ZNF8: variants seen among roughly 807,000 people sequenced by gnomAD.
ZNF8 encodes zinc finger protein 272.
ZNF8 carries 9 observed loss-of-function variants against 12.2 expected under a neutral mutation model. That is an observed-to-expected ratio of 0.73 (90% CI 0.44 to 1.28). ZNF8 has a LOEUF of 1.28. ZNF8 is among the 50% of genes most tolerant of loss of function. ZNF8 has a pLI of 0.00. For synonymous variants in ZNF8, 274 were observed against 282.3 expected, an observed-to-expected ratio of 0.97 and a Z score of 0.30; for missense variants, 664 against 729.1, an observed-to-expected ratio of 0.91 and a Z score of 1.03.
At position 58,294,046 on chromosome 19, in the gene ZNF8, C is replaced by G. The variant is rs924967725; in HGVS notation, c.290-52C>G. 6.6e-7 allele frequency: 1 copy of G among 1,521,856 alleles called. No individual in the cohort carries two copies. Among genetic ancestry groups the G allele is most frequent in the Non-Finnish European group, 8.9e-7 (1 of 1,124,774 alleles). 94.3% of individuals were successfully genotyped at this position (1,521,856 alleles called of 1,614,324 possible). Reference sequence around the variant, plus strand: ...GGCCTATGGTGTTGGAGGCCTGTCCCCCTTCCGTTTTTTTCTCCCAACAGC... The same window carrying G: ...GGCCTATGGTGTTGGAGGCCTGTCCGCCTTCCGTTTTTTTCTCCCAACAGC... On this transcript the variant is annotated intron_variant, in intron 3 of 3. Coordinates refer to ENST00000621650, the MANE Select transcript of ZNF8 (RefSeq NM_021089.3). The surrounding 1 kb of genome is among the most constrained non-coding windows in gnomAD (Gnocchi z 5.5).
intron 3 of ZNF8, among the ~76,000 whole-genome samples, chr19:58,290,953 T>C (rs1272066631): frequency 6.6e-6 from 1 of 152,194 alleles, no homozygotes; most frequent in East Asian, 1.9e-4. Flanking sequence ...TTCAGGAGGC[T>C]GAGCCCAGGA....
chr19:58,287,866 T>G lies in ZNF8; in HGVS notation c.289+1661T>G, dbSNP rs1600455611. ...TTCTTTTTTTTTCTTTCTTTCTTCC[T>G]TTTTTTTTTTTTTTTAGAGATGGGG... On this transcript the variant is annotated intron_variant, in intron 3 of 3. Coordinates refer to ENST00000621650, the MANE Select transcript of ZNF8 (RefSeq NM_021089.3). 2.3e-4 allele frequency among the ~76,000 whole-genome samples: 5 copies of G among 21,600 alleles called. No individual in the cohort carries two copies. In the South Asian group the frequency reaches 6.2e-3, roughly 27 times the overall value. 14.2% of individuals were successfully genotyped at this position (21,600 alleles called of 152,430 possible). A position where few individuals can be genotyped will look rare whatever the true frequency, so the allele number is the denominator to read the frequency against.
At position 58,298,216 on chromosome 19, in the gene ZNF8, A is replaced by G. The variant is rs1486895991; in HGVS notation, c.*2680A>G. The G allele has an allele frequency of 6.6e-6, 1 of 151,902 alleles. No individual in the cohort carries two copies. Among genetic ancestry groups the G allele is most frequent in the Non-Finnish European group, 1.5e-5 (1 of 68,046 alleles). The allele number at this position is 151,902 out of a possible 1,614,324, so 9.4% of individuals were successfully genotyped here. ...AGCTACTTTTTTGTATTTTTAGTAG[A>G]GATGGGGTTTCACCATGTTAGACAG... On this transcript the variant is annotated 3_prime_UTR_variant, in exon 4 of 4. Coordinates refer to ENST00000621650, the MANE Select transcript of ZNF8 (RefSeq NM_021089.3).
rs188839301 is a variant in ZNF8, at chr19:58,295,555, G to C, written c.*19G>C. ...CACATAGGAGAGAAACTTTGCTGAT[G>C]ACTTTTAACCACAAGTAAAAAATGT... is the stretch of plus-strand genomic sequence containing the variant. On this transcript the variant is annotated 3_prime_UTR_variant, in exon 4 of 4. Transcript: ENST00000621650. 4 of 1,565,744 alleles carry C rather than the reference G, an allele frequency of 2.6e-6. No homozygotes were observed. The highest frequency in any genetic ancestry group is 3.5e-6 in the Non-Finnish European group (4 of 1,153,694).
chr19:58,287,167 G>A (rs2147956361), intron 3 of ZNF8, among the ~76,000 whole-genome samples: 1 of 152,156 alleles, frequency 6.6e-6, no homozygotes, highest in African/African-American at 2.4e-5. Context: ...ACCCTCCCGA[G>A]TAGCTGGGAT....
In ZNF8 at chr19:58,294,066, A is replaced by C. The variant is rs1446396335; in HGVS notation, c.290-32A>C. Reference sequence around the variant, plus strand: ...TGTCCCCCTTCCGTTTTTTTCTCCCAACAGCTCAGAGATCTTTGGGTTTTC... The same window carrying C: ...TGTCCCCCTTCCGTTTTTTTCTCCCCACAGCTCAGAGATCTTTGGGTTTTC... On this transcript the variant is annotated intron_variant, in intron 3 of 3. Coordinates refer to ENST00000621650, the MANE Select transcript of ZNF8 (RefSeq NM_021089.3). This position sits in a 1 kb window ranked among gnomAD's most constrained non-coding sequence, Gnocchi z 5.5. The C allele has an allele frequency of 1.3e-6, 2 of 1,563,086 alleles. No individual in the cohort carries two copies. Among genetic ancestry groups the C allele is most frequent in the South Asian group, 2.4e-5 (2 of 83,610 alleles).
chr19:58,294,520 T>C lies in ZNF8; in HGVS notation c.712T>C (p.Ser238Pro). Residue 238 changes from serine to proline, a missense_variant, in exon 4 of 4, where the codon TCC becomes CCC. By Grantham distance (74) the Ser-to-Pro change is moderately conservative. Coordinates refer to ENST00000621650, the MANE Select transcript of ZNF8 (RefSeq NM_021089.3). This position sits in a 1 kb window ranked among gnomAD's most constrained non-coding sequence, Gnocchi z 5.5. ...TGAAAACAGTGACTGTCACAGAGAT[T>C]CCAGTCAGGCCATTCCAATTACGGA... is the stretch of plus-strand genomic sequence containing the variant. Reference protein sequence around the residue: ...PGENSDCHRDSSQAIPITELT... With the variant: ...PGENSDCHRDPSQAIPITELT... 6.2e-7 allele frequency: 1 copy of C among 1,614,136 alleles called. No homozygotes were observed. Among genetic ancestry groups the C allele is most frequent in the South Asian group, 1.1e-5 (1 of 91,074 alleles).
At position 58,297,926 on chromosome 19, in the gene ZNF8, A is replaced by G. The variant is rs2147963135; in HGVS notation, c.*2390A>G. The stretch of plus-strand genomic sequence containing the variant: ...AGGTAAAACTGCTGAGCCTGAGTTC[A>G]AAGCAGGGCAGTAGCCCTGAGGTTG... On this transcript the variant is annotated 3_prime_UTR_variant, in exon 4 of 4. Transcript: ENST00000621650. The G allele has an allele frequency of 6.6e-6, 1 of 152,366 alleles. No individual in the cohort carries two copies. Among genetic ancestry groups the G allele is most frequent in the Admixed American group, 6.5e-5 (1 of 15,312 alleles). The allele number at this position is 152,366 out of a possible 1,614,324, so 9.4% of individuals were successfully genotyped here.
chr19:58,294,758 A>G lies in ZNF8; in HGVS notation c.950A>G (p.Glu317Gly). The change falls in exon 4 of 4, where the codon GAA becomes GGA. Residue 317 changes from glutamate to glycine, a missense_variant. Transcript: ENST00000621650. The surrounding 1 kb of genome is among the most constrained non-coding windows in gnomAD (Gnocchi z 5.5). ...GGAGACAAGCCCTACAAGTGTGCCG[A>G]ATGTGGGAAGTCTTTCTGCCATAGT... ...HTGDKPYKCA[E>G]CGKSFCHSTH... 6.2e-7 allele frequency: 1 copy of G among 1,614,106 alleles called. No individual in the cohort carries two copies. Among genetic ancestry groups the G allele is most frequent in the Non-Finnish European group, 8.5e-7 (1 of 1,180,028 alleles).
intron 3 of ZNF8, among the ~76,000 whole-genome samples, chr19:58,287,337 C>CTTT (rs35511685): frequency 0.53 from 62,138 of 117,404 alleles, 17,466 homozygotes; most frequent in Non-Finnish European, 0.6. Context: ...CCATGCCCAG[C>CTTT]TTTTTTTTTT....
intron 3 of ZNF8, among the ~76,000 whole-genome samples, chr19:58,289,284 C>T (rs1404845261): frequency 1.3e-5 from 2 of 152,080 alleles, no homozygotes; most frequent in African/African-American, 4.8e-5. Context: ...TCACTTGAGT[C>T]CAGGAGTTCG....
chr19:58,295,781 A>G lies in ZNF8; in HGVS notation c.*245A>G. ...CCACAGTGAGTTCACAGGTAATATAACCTACCCACCTGTGTAATGTCAAAA... is the reference window on the plus strand; with the variant it reads ...CCACAGTGAGTTCACAGGTAATATAGCCTACCCACCTGTGTAATGTCAAAA... On this transcript the variant is annotated 3_prime_UTR_variant, in exon 4 of 4. Transcript: ENST00000621650. 2.2e-6 allele frequency: 1 copy of G among 461,774 alleles called. No individual in the cohort carries two copies. The highest frequency in any genetic ancestry group is 3.8e-6 in the Non-Finnish European group (1 of 261,792). 28.6% of individuals were successfully genotyped at this position (461,774 alleles called of 1,614,324 possible).
At position 58,294,773 on chromosome 19, in the gene ZNF8, T is replaced by A. The variant is rs1248699944; in HGVS notation, c.965T>A (p.Phe322Tyr). ...AAGTGTGCCGAATGTGGGAAGTCTT[T>A]CTGCCATAGTACACACCTTACCGTC... ...PYKCAECGKS[F>Y]CHSTHLTVHR... The change falls in exon 4 of 4, where the codon TTC (phenylalanine) becomes TAC (tyrosine). Residue 322 changes from phenylalanine to tyrosine, a missense_variant. Phe to Tyr is a conservative substitution (Grantham distance 22, BLOSUM62 3). This residue lies in a region of ZNF8 where 133 missense variants were observed against 198.4 expected (regional missense o/e 0.67). Coordinates refer to ENST00000621650, the MANE Select transcript of ZNF8 (RefSeq NM_021089.3). This position sits in a 1 kb window ranked among gnomAD's most constrained non-coding sequence, Gnocchi z 5.5. The A allele has an allele frequency of 6.2e-7, 1 of 1,614,164 alleles. No homozygotes were observed. The highest frequency in any genetic ancestry group is 8.5e-7 in the Non-Finnish European group (1 of 1,180,042).
intron 1 of ZNF8, 149 bp from the exon 2 acceptor site, chr19:58,285,568 A>T (rs944646945): frequency 7.0e-5 from 77 of 1,095,664 alleles, no homozygotes; most frequent in Non-Finnish European, 9.4e-5. Context: ...GTGGCCTAAT[A>T]GGTGCCCAGT....
chr19:58,288,565 G>A (rs1444996938), intron 3 of ZNF8, among the ~76,000 whole-genome samples: 2 of 152,182 alleles, frequency 1.3e-5, no homozygotes, highest in African/African-American at 4.8e-5. Context: ...AGTTGCTAGA[G>A]AGGCTGGAAA....
At position 58,301,083 on chromosome 19, in the gene ZNF8, T is replaced by G. The variant is rs549606923; in HGVS notation, c.*5547T>G. ...CAAATCAGTCTGGTGCTTCTGAGAT[T>G]TGGGCTTCAGACCCAAACAACTGCT... On this transcript the variant is annotated 3_prime_UTR_variant, in exon 4 of 4. Transcript: ENST00000621650. 6.6e-6 allele frequency: 1 copy of G among 152,260 alleles called. No individual in the cohort carries two copies. Among genetic ancestry groups the G allele is most frequent in the Non-Finnish European group, 1.5e-5 (1 of 68,124 alleles). The allele number at this position is 152,260 out of a possible 1,614,324, so 9.4% of individuals were successfully genotyped here.
chr19:58,280,802 G>C (rs1005513443), intron 1 of ZNF8, among the ~76,000 whole-genome samples: 11 of 152,234 alleles, frequency 7.2e-5, no homozygotes, highest in African/African-American at 2.7e-4. Flanking sequence ...TTTTCCAGCT[G>C]TGAGAGGTAC....
intron 1 of ZNF8, among the ~76,000 whole-genome samples, chr19:58,285,205 G>A (rs991730255): frequency 2.7e-5 from 4 of 150,792 alleles, no homozygotes; most frequent in Non-Finnish European, 5.9e-5. Flanking sequence ...CAGCTGGAGT[G>A]CAGTGGTGTC....
intron 1 of ZNF8, among the ~76,000 whole-genome samples, chr19:58,281,671 A>G (rs1353713350): frequency 6.6e-6 from 1 of 152,228 alleles, no homozygotes; most frequent in Non-Finnish European, 1.5e-5. Context: ...AAGCGAAGAC[A>G]CAGAGACAGG....
Sources: allele counts gnomAD v4.1 joint callset (sites outside exome capture counted in the v4.1 genomes callset), GRCh38; gene constraint gnomAD v4.1.1; regional missense constraint gnomAD v4.1.1; non-coding constraint Gnocchi (gnomAD v3.1); transcripts MANE v1.5; gene names NCBI Gene and HGNC (gene_info 2026-07-23, HGNC 2026-07-21).